CDH12: variants seen among roughly 807,000 people sequenced by gnomAD.
The protein encoded by CDH12 is cadherin 12, also known as cadherin-12.
Under a neutral mutation model 74.1 loss-of-function variants are expected in CDH12, and 41 were observed. The observed-to-expected ratio is 0.55, with a 90% CI of 0.43 to 0.72. The LOEUF is 0.72. Among genes scored for constraint, CDH12 ranks in the 30% least tolerant of loss-of-function variants. CDH12 has a pLI of 0.00. For missense variants in CDH12, 945 were observed against 977.2 expected, an observed-to-expected ratio of 0.97 and a Z score of 0.44; for synonymous variants, 399 against 355.0, an observed-to-expected ratio of 1.12 and a Z score of -1.39.
chr5:22,494,049 G>T (rs560944404), intron 2 of CDH12, among the ~76,000 whole-genome samples: 1 of 152,298 alleles, frequency 6.6e-6, no homozygotes, highest in African/African-American at 2.4e-5. Context: ...CCCACAAATT[G>T]GGAGGGCTGT....
intron 6 of CDH12, among the ~76,000 whole-genome samples, chr5:21,890,592 T>G (rs899879242): frequency 6.6e-6 from 1 of 152,108 alleles, no homozygotes; most frequent in Non-Finnish European, 1.5e-5. Flanking sequence ...TAATTATGTG[T>G]TTTACATTTG....
intron 1 of CDH12, among the ~76,000 whole-genome samples, chr5:22,816,230 T>A (rs1056826325): frequency 6.6e-6 from 1 of 152,194 alleles, no homozygotes; most frequent in Non-Finnish European, 1.5e-5. Context: ...TTTACTTCTT[T>A]GTGAAAAGTG....
At chr5:21,891,895 CAG>C (rs1490992951) in intron 6 of CDH12, among the ~76,000 whole-genome samples, 4 of 152,082 alleles carry the variant, frequency 2.6e-5, no homozygotes, top group African/African-American at 9.6e-5. Context: ...AAGAACAAAA[CAG>C]AGAAAGATAA....
intron 4 of CDH12, among the ~76,000 whole-genome samples, chr5:22,082,773 A>G (rs2150229880): frequency 6.6e-6 from 1 of 152,294 alleles, no homozygotes; most frequent in South Asian, 2.1e-4. Flanking sequence ...CTGGAGCCAC[A>G]GAGGAGTGCA....
intron 1 of CDH12, among the ~76,000 whole-genome samples, chr5:22,508,350 A>G (rs1231175586): frequency 6.6e-6 from 1 of 152,190 alleles, no homozygotes; most frequent in African/African-American, 2.4e-5. Context: ...AACCTGACTC[A>G]GGCATCACAT....
At chr5:22,619,341 C>T (rs1304262556) in intron 1 of CDH12, among the ~76,000 whole-genome samples, 1 of 152,072 alleles carries the variant, frequency 6.6e-6, no homozygotes, top group Non-Finnish European at 1.5e-5. Flanking sequence ...GACCACACAG[C>T]AAGTTCTGTT....
chr5:21,878,526 G>T (rs1024306599), intron 6 of CDH12, among the ~76,000 whole-genome samples: 10 of 143,880 alleles, frequency 7.0e-5, no homozygotes, highest in Non-Finnish European at 1.3e-4. Flanking sequence ...CCTAGGAGTT[G>T]CAGACCAGCC....
intron 2 of CDH12, among the ~76,000 whole-genome samples, chr5:22,430,362 C>A (rs1462316697): frequency 6.6e-6 from 1 of 151,764 alleles, no homozygotes; most frequent in Non-Finnish European, 1.5e-5. Context: ...AAGAAGGAAA[C>A]TGGTGGCTAC....
intron 6 of CDH12, among the ~76,000 whole-genome samples, chr5:21,885,673 C>G (rs1288131712): frequency 6.6e-6 from 1 of 152,158 alleles, no homozygotes; most frequent in Non-Finnish European, 1.5e-5. Context: ...CATCCTTTGC[C>G]AGTTTAGGAT....
intron 10 of CDH12, among the ~76,000 whole-genome samples, chr5:21,797,290 A>C (rs1746841453): frequency 1.3e-5 from 2 of 152,186 alleles, no homozygotes; most frequent in African/African-American, 4.8e-5. Flanking sequence ...GTGAAAAGAC[A>C]GTTAAGCAAA....
intron 4 of CDH12, among the ~76,000 whole-genome samples, chr5:22,131,756 A>AT (rs1176639645): frequency 1.3e-5 from 2 of 152,142 alleles, no homozygotes; most frequent in Non-Finnish European, 2.9e-5. Flanking sequence ...GGAAGGATAC[A>AT]TTCATCTATA....
At position 21,918,595 on chromosome 5, in the gene CDH12, G is replaced by A. The variant is rs184026574; in HGVS notation, c.526+56496C>T. Among the ~76,000 whole-genome samples, 12 of 152,064 alleles carry A rather than the reference G, an allele frequency of 7.9e-5. No individual in the cohort carries two copies. The East Asian group carries it at 1.6e-3, about 20-fold the overall frequency. On this transcript the variant is annotated intron_variant, in intron 6 of 14. Coordinates refer to ENST00000382254, the MANE Select transcript of CDH12 (RefSeq NM_004061.5). ...CCAGGAAGGAGAAGTGCAAGCAGAG[G>A]AAATGGCCGAGGACTACAAAACCAT...
chr5:22,610,716 T>A (rs1737352306), intron 1 of CDH12, among the ~76,000 whole-genome samples: 1 of 152,086 alleles, frequency 6.6e-6, no homozygotes, highest in Admixed American at 6.6e-5. Flanking sequence ...TTCATTGTAG[T>A]CTTCACATAT....
At chr5:22,204,162 G>GGT (rs1554020485) in intron 4 of CDH12, among the ~76,000 whole-genome samples, 3,486 of 129,554 alleles carry the variant, frequency 0.027, 43 homozygotes, top group Non-Finnish European at 0.042. Flanking sequence ...TGTTTTGTTT[G>GGT]TTTTTTTTTT....
At chr5:22,005,419 G>A (rs1025292335) in intron 5 of CDH12, among the ~76,000 whole-genome samples, 2 of 152,048 alleles carry the variant, frequency 1.3e-5, no homozygotes, top group African/African-American at 4.8e-5. Flanking sequence ...TTCCTATTAT[G>A]AATAGTGCTG....
At chr5:22,269,424 A>G (rs1420329391) in intron 3 of CDH12, among the ~76,000 whole-genome samples, 1 of 152,096 alleles carries the variant, frequency 6.6e-6, no homozygotes, top group Non-Finnish European at 1.5e-5. Flanking sequence ...CATGTGTTGT[A>G]TAATCTACTT....
chr5:21,880,688 T>TTTCC (rs1561268981), intron 6 of CDH12, among the ~76,000 whole-genome samples: 11 of 132,772 alleles, frequency 8.3e-5, no homozygotes, highest in Admixed American at 4.8e-4. Context: ...TCTTTCTTTC[T>TTTCC]TTCTCTTTTC....
rs141882072 is a variant in CDH12 at position 21,879,873 on chromosome 5, G to C, written c.527-25083C>G. ...TTCTTCAGGATCACAAGAGGATTCG[G>C]AATATTAAAGTCATGGATTCAATTA... On this transcript the variant is annotated intron_variant, in intron 6 of 14. Transcript: ENST00000382254. Among the ~76,000 whole-genome samples, 27 of 152,316 alleles carry C rather than the reference G, an allele frequency of 1.8e-4. No individual in the cohort carries two copies. In the East Asian group the frequency reaches 3.7e-3, roughly 21 times the overall value.
chr5:22,508,997 A>T (rs924656165), intron 1 of CDH12, among the ~76,000 whole-genome samples: 1 of 152,142 alleles, frequency 6.6e-6, no homozygotes, highest in African/African-American at 2.4e-5. Context: ...CAACTTATAG[A>T]TCTACTTCCT....
Sources: gnomAD v4.1 joint callset for allele counts (sites outside exome capture counted in the v4.1 genomes callset) on GRCh38, gnomAD v4.1.1 for gene constraint, MANE v1.5 for transcripts, NCBI Gene and HGNC (gene_info 2026-07-23, HGNC 2026-07-21) for gene names.